The following STAU2 variants were observed in gnomAD, a reference collection of about 807,000 sequenced individuals.
The protein encoded by STAU2 is double-stranded RNA-binding protein Staufen homolog 2.
A neutral mutation model predicts 65.9 loss-of-function variants in STAU2; 20 were observed. That is an observed-to-expected ratio of 0.30 (90% confidence interval 0.21 to 0.44). The LOEUF (loss-of-function observed/expected upper bound fraction) is 0.44. Ranked by LOEUF, STAU2 falls within the 20% of genes least tolerant of loss-of-function variation. STAU2 has a pLI of 1.00. For missense variants in STAU2, 558 were observed against 683.9 expected (o/e 0.82, Z 2.05); for synonymous variants, 232 against 233.9 (o/e 0.99, Z 0.07).
intron 13 of STAU2, among the ~76,000 whole-genome samples, chr8:73,545,360 T>TA (rs889747711): frequency 6.6e-6 from 1 of 152,050 alleles, no homozygotes; most frequent in African/African-American, 2.4e-5. Context: ...CTTATGCTTT[T>TA]AAAAAAATAG....
intron 6 of STAU2, among the ~76,000 whole-genome samples, chr8:73,661,339 T>C (rs1410093599): frequency 6.6e-6 from 1 of 152,182 alleles, no homozygotes; most frequent in Non-Finnish European, 1.5e-5. Context: ...AGAAAAACAT[T>C]TACAATGTTT....
chr8:73,701,727 T>C (rs1820116178), intron 4 of STAU2, among the ~76,000 whole-genome samples: 1 of 152,188 alleles, frequency 6.6e-6, no homozygotes, highest in East Asian at 1.9e-4. Context: ...ATCCCGCTGC[T>C]GGGTATATTC....
intron 13 of STAU2, among the ~76,000 whole-genome samples, chr8:73,510,994 G>A (rs890661396): frequency 3.9e-5 from 6 of 152,348 alleles, no homozygotes; most frequent in Admixed American, 2.0e-4. Flanking sequence ...AACTGGCAGC[G>A]CCTGCCTGCG....
chr8:73,659,074 G>C (rs1276397378), intron 6 of STAU2, among the ~76,000 whole-genome samples: 1 of 152,118 alleles, frequency 6.6e-6, no homozygotes, highest in African/African-American at 2.4e-5. Flanking sequence ...AGGAGAAACA[G>C]CTGGTGGATA....
chr8:73,427,793 A>G (rs752563235), intron 13 of STAU2, among the ~76,000 whole-genome samples: 1 of 152,238 alleles, frequency 6.6e-6, no homozygotes, highest in East Asian at 1.9e-4. Context: ...ATGAACTTCA[A>G]GTTCTTTGTA....
intron 13 of STAU2, among the ~76,000 whole-genome samples, chr8:73,428,143 G>A (rs1816968079): frequency 6.6e-6 from 1 of 152,038 alleles, no homozygotes; most frequent in South Asian, 2.1e-4. Context: ...CCTACCCCCA[G>A]CCTCTGTACC....
chr8:73,462,618 G>A (rs1819429050), intron 13 of STAU2, among the ~76,000 whole-genome samples: 1 of 151,504 alleles, frequency 6.6e-6, no homozygotes, highest in African/African-American at 2.4e-5. Flanking sequence ...GGATGGTCTT[G>A]AACTCCTGGG....
intron 11 of STAU2, among the ~76,000 whole-genome samples, chr8:73,589,960 A>G (rs1309232348): frequency 6.7e-6 from 1 of 149,806 alleles, no homozygotes; most frequent in African/African-American, 2.5e-5. Flanking sequence ...AAGACAAGGA[A>G]AAGGAGAAGG....
Position 73,552,017 on chromosome 8 carries a change from A to G in STAU2, c.1525T>C (p.Phe509Leu). ...QLEYLARIQG[F>L]QAALSALKQF... ...TTTTTGCTTTTAATTCATACCTGAA[A>G]GCCTTGAATCCTTGCTAAATATTCC... The change falls in exon 13 of 15, where the codon TTT becomes CTT. Residue 509 changes from phenylalanine (F) to leucine (L), a missense_variant. Coordinates refer to ENST00000524300, the MANE Select transcript of STAU2 (RefSeq NM_001164380.2). The G allele has an allele frequency of 6.5e-7, 1 of 1,547,956 alleles. No homozygotes were observed. Among genetic ancestry groups the G allele is most frequent in the Non-Finnish European group, 8.7e-7 (1 of 1,150,856 alleles).
intron 1 of STAU2, among the ~76,000 whole-genome samples, chr8:73,745,524 A>G (rs1423544448): frequency 6.6e-6 from 1 of 152,274 alleles, no homozygotes; most frequent in Non-Finnish European, 1.5e-5. Context: ...TCTGAAACAC[A>G]GGATGCATCA....
Position 73,518,845 on chromosome 8 carries a change from A to G in STAU2, c.1530+33167T>C, listed in dbSNP as rs944803394. The stretch of plus-strand genomic sequence containing the variant: ...AAGATATAATTTGTGTAAAACGAAA[A>G]TTGTATATAATAAAGTTAAATGTCA... On this transcript the variant is annotated intron_variant, in intron 13 of 14. Transcript: ENST00000524300. Among the ~76,000 whole-genome samples, 61 of 152,300 alleles carry G rather than the reference A, an allele frequency of 4.0e-4. 1 individual carries two copies. Among genetic ancestry groups the G allele is most frequent in the Admixed American group, 1.8e-3 (27 of 15,298 alleles).
At chr8:73,536,654 G>A (rs1315543983) in intron 13 of STAU2, among the ~76,000 whole-genome samples, 8 of 152,036 alleles carry the variant, frequency 5.3e-5, no homozygotes, top group South Asian at 4.2e-4. Context: ...ATGGGGCGTC[G>A]TACTCCTCCT....
intron 6 of STAU2, among the ~76,000 whole-genome samples, chr8:73,658,521 T>C (rs1012895529): frequency 2.0e-5 from 3 of 152,228 alleles, no homozygotes; most frequent in Non-Finnish European, 4.4e-5. Flanking sequence ...CAGAATTTAT[T>C]AGACACAATA....
At chr8:73,431,275 C>A (rs1817266363) in intron 13 of STAU2, among the ~76,000 whole-genome samples, 2 of 152,192 alleles carry the variant, frequency 1.3e-5, no homozygotes, top group African/African-American at 4.8e-5. Context: ...AAAACAAACA[C>A]ATTTAGCATC....
chr8:73,698,912 T>G (rs1336200969), intron 4 of STAU2, among the ~76,000 whole-genome samples: 1 of 63,762 alleles, frequency 1.6e-5, no homozygotes. Flanking sequence ...ACAAAACGAG[T>G]CTTAAAACAT....
intron 6 of STAU2, among the ~76,000 whole-genome samples, chr8:73,660,492 G>A (rs1343281664): frequency 6.6e-6 from 1 of 152,176 alleles, no homozygotes; most frequent in Non-Finnish European, 1.5e-5. Context: ...GAACAAAGGA[G>A]CATGGAGTCC....
intron 13 of STAU2, among the ~76,000 whole-genome samples, chr8:73,547,906 A>T (rs1001809726): frequency 7.2e-5 from 11 of 152,278 alleles, no homozygotes; most frequent in Middle Eastern, 3.4e-3. Context: ...TTAAAAAAGA[A>T]TTGAAAAAAA....
chr8:73,669,558 C>G (rs1171217202), intron 6 of STAU2, among the ~76,000 whole-genome samples: 2 of 152,080 alleles, frequency 1.3e-5, no homozygotes, highest in African/African-American at 4.8e-5. Flanking sequence ...TCACTCTGAT[C>G]AAGCCACATT....
At chr8:73,484,357 G>C (rs779042965) in intron 13 of STAU2, among the ~76,000 whole-genome samples, 1 of 152,042 alleles carries the variant, frequency 6.6e-6, no homozygotes, top group Non-Finnish European at 1.5e-5. Flanking sequence ...AAAGACAAAG[G>C]TTACTTCTGA....
Sources: allele counts gnomAD v4.1 joint callset (sites outside exome capture counted in the v4.1 genomes callset), GRCh38; gene constraint gnomAD v4.1.1; transcripts MANE v1.5; gene names NCBI Gene and HGNC (gene_info 2026-07-23, HGNC 2026-07-21).